MCTP1: variants seen among roughly 807,000 people sequenced by gnomAD.
MCTP1 encodes the protein multiple C2 and transmembrane domain-containing protein 1.
MCTP1 carries 69 observed loss-of-function variants against 120.6 expected under a neutral mutation model. That is an observed-to-expected ratio of 0.57 (90% CI 0.47 to 0.70). The LOEUF (loss-of-function observed/expected upper bound fraction) is 0.70, where lower values mean the gene tolerates loss of function less well. Among genes scored for constraint, MCTP1 ranks in the 30% least tolerant of loss-of-function variants. The pLI is 0.00. For missense variants in MCTP1, 1,203 were observed against 1,248.8 expected (o/e 0.96, Z 0.55); for synonymous variants, 529 against 493.1 (o/e 1.07, Z -0.96).
At chr5:95,189,773 C>T (rs1211727275) in intron 1 of MCTP1, among the ~76,000 whole-genome samples, 3 of 152,068 alleles carry the variant, frequency 2.0e-5, no homozygotes, top group Admixed American at 6.6e-5. Flanking sequence ...TTTGTACAGG[C>T]TATAATTTGC....
intron 1 of MCTP1, among the ~76,000 whole-genome samples, chr5:95,072,962 G>A (rs1194182907): frequency 6.6e-6 from 1 of 152,028 alleles, no homozygotes; most frequent in African/African-American, 2.4e-5. Context: ...AGCCAGGATG[G>A]TCTCGATCTC....
At chr5:94,741,525 C>G (rs1056225039) in intron 19 of MCTP1, among the ~76,000 whole-genome samples, 6 of 152,172 alleles carry the variant, frequency 3.9e-5, no homozygotes, top group African/African-American at 1.4e-4. Context: ...CAAAATCAAT[C>G]TTGGATGACA....
chr5:95,242,330 T>C (rs1316352615), intron 1 of MCTP1, among the ~76,000 whole-genome samples: 1 of 152,214 alleles, frequency 6.6e-6, no homozygotes, highest in Non-Finnish European at 1.5e-5. Context: ...TTTGAGATTC[T>C]GAAAATTTTC....
At chr5:94,714,915 A>G (rs998091396) in intron 19 of MCTP1, 29 bp from the exon 20 acceptor site, 5 of 1,289,124 alleles carry the variant, frequency 3.9e-6, no homozygotes, top group Non-Finnish European at 4.5e-6. Context: ...GAAATTCTGT[A>G]TGAGTAAAGG....
intron 19 of MCTP1, among the ~76,000 whole-genome samples, chr5:94,763,347 A>G (rs1580542178): frequency 6.6e-6 from 1 of 152,286 alleles, no homozygotes; most frequent in East Asian, 1.9e-4. Context: ...ACAATCTTAA[A>G]TGTAGATTTC....
chr5:94,951,853 A>G (rs375324756), intron 3 of MCTP1, among the ~76,000 whole-genome samples: 3 of 152,148 alleles, frequency 2.0e-5, no homozygotes, highest in African/African-American at 4.8e-5. Context: ...GCCATCCCAT[A>G]TTATGTAGTT....
chr5:94,823,443 G>A (rs1786152603), intron 17 of MCTP1, among the ~76,000 whole-genome samples: 1 of 152,174 alleles, frequency 6.6e-6, no homozygotes. Context: ...TTTGGTTACT[G>A]TAGCCTTGTA....
rs79138513 is a variant in MCTP1 at position 95,219,584 on chromosome 5, G to A, written c.720+64272C>T. The stretch of plus-strand genomic sequence containing the variant: ...ACGGTCTTTAGGTCTCCACTGCTAC[G>A]ACAACAATAAAGATCTAAAGCAGCT... On this transcript the variant is annotated intron_variant, in intron 1 of 22. Coordinates refer to ENST00000515393, the MANE Select transcript of MCTP1 (RefSeq NM_024717.7). Among the ~76,000 whole-genome samples the A allele has an allele frequency of 1.0e-3, 159 of 152,132 alleles. 2 individuals are homozygous for A. The East Asian group carries it at 0.03, about 29-fold the overall frequency.
At chr5:94,936,596 T>C (rs888010844) in intron 5 of MCTP1, among the ~76,000 whole-genome samples, 1 of 152,106 alleles carries the variant, frequency 6.6e-6, no homozygotes, top group Admixed American at 6.6e-5. Flanking sequence ...TAATGCTTAG[T>C]AGATGATCAA....
chr5:94,924,019 T>C lies in MCTP1; in HGVS notation c.1215A>G (p.Glu405=). 2 of 1,496,486 alleles carry C rather than the reference T, an allele frequency of 1.3e-6. No homozygotes were observed. The highest frequency in any genetic ancestry group is 1.8e-6 in the Non-Finnish European group (2 of 1,121,028). 92.7% of individuals were successfully genotyped at this position (1,496,486 alleles called of 1,614,324 possible). The stretch of plus-strand genomic sequence containing the variant: ...ATCCAACCACTTCATTTTCTGAAAG[T>C]TCCTAGAAACAAACAAATATTTAGC... The part of the protein sequence containing the change: ...MRKSWKRSSK[E]LSENEVVGSY... Residue 405 remains glutamate (E), a splice_region_variant and synonymous_variant, in exon 7 of 23, where the codon GAA becomes GAG. Coordinates refer to ENST00000515393, the MANE Select transcript of MCTP1 (RefSeq NM_024717.7).
chr5:95,237,126 C>T lies in MCTP1; in HGVS notation c.720+46730G>A, dbSNP rs1218715123. On this transcript the variant is annotated intron_variant, in intron 1 of 22. Coordinates refer to ENST00000515393, the MANE Select transcript of MCTP1 (RefSeq NM_024717.7). ...CTATTCTTAAGCCAGAAATCCCCCA[C>T]ATCCTCTCTGGATTGGCAAGGTGAG... Among the ~76,000 whole-genome samples the T allele has an allele frequency of 2.0e-5, 3 of 152,170 alleles. No homozygotes were observed. The East Asian group carries it at 5.8e-4, about 29-fold the overall frequency.
intron 1 of MCTP1, among the ~76,000 whole-genome samples, chr5:95,114,052 C>T (rs1478066534): frequency 1.3e-5 from 2 of 152,178 alleles, no homozygotes; most frequent in African/African-American, 4.8e-5. Flanking sequence ...AGAGAACCTA[C>T]AGGCTTGAAG....
At chr5:95,184,980 C>A (rs1459789369) in intron 1 of MCTP1, among the ~76,000 whole-genome samples, 1 of 152,142 alleles carries the variant, frequency 6.6e-6, no homozygotes, top group Admixed American at 6.6e-5. Flanking sequence ...TTCTGATCCC[C>A]GAATGCTCAG....
chr5:95,263,809 A>C (rs1758669244), intron 1 of MCTP1, among the ~76,000 whole-genome samples: 1 of 152,138 alleles, frequency 6.6e-6, no homozygotes, highest in African/African-American at 2.4e-5. Flanking sequence ...AAGAAATGTG[A>C]GGTTTAGAGA....
intron 3 of MCTP1, among the ~76,000 whole-genome samples, chr5:94,944,495 C>T (rs1317705418): frequency 1.3e-5 from 2 of 152,100 alleles, no homozygotes; most frequent in African/African-American, 4.8e-5. Context: ...TCATATCATC[C>T]TTAGGCTTAA....
intron 19 of MCTP1, among the ~76,000 whole-genome samples, chr5:94,737,491 G>T (rs1312860908): frequency 6.6e-6 from 1 of 152,146 alleles, no homozygotes; most frequent in Non-Finnish European, 1.5e-5. Flanking sequence ...GATGTTTCTT[G>T]AGTGAGTACT....
chr5:95,199,264 C>T (rs976079242), intron 1 of MCTP1, among the ~76,000 whole-genome samples: 2 of 151,858 alleles, frequency 1.3e-5, no homozygotes, highest in Non-Finnish European at 2.9e-5. Flanking sequence ...TAATGCAATC[C>T]AAAAACTCTA....
intron 2 of MCTP1, among the ~76,000 whole-genome samples, chr5:95,003,583 G>C (rs1252217037): frequency 6.6e-6 from 1 of 152,184 alleles, no homozygotes; most frequent in Non-Finnish European, 1.5e-5. Flanking sequence ...GTCAATGAGT[G>C]ATATTGTTTT....
chr5:95,276,665 T>G (rs963752578), intron 1 of MCTP1, among the ~76,000 whole-genome samples: 2 of 148,044 alleles, frequency 1.4e-5, no homozygotes, highest in Non-Finnish European at 3.0e-5. Context: ...AAAAAACAGG[T>G]CAGGCCGGGC....
Sources: allele counts gnomAD v4.1 joint callset (sites outside exome capture counted in the v4.1 genomes callset), GRCh38; gene constraint gnomAD v4.1.1; transcripts MANE v1.5; gene names NCBI Gene and HGNC (gene_info 2026-07-23, HGNC 2026-07-21).